GAREM1: variants seen among roughly 807,000 people sequenced by gnomAD.
GAREM1 encodes the protein GRB2 associated regulator of MAPK1 subtype 1, also known as GRB2-associated and regulator of MAPK protein 1.
Under a neutral mutation model 71.3 loss-of-function variants are expected in GAREM1, and 26 were observed. The observed-to-expected ratio is 0.36, with a 90% CI of 0.27 to 0.51. The LOEUF (loss-of-function observed/expected upper bound fraction) is 0.51. Ranked by LOEUF, GAREM1 falls within the 20% of genes least tolerant of loss-of-function variation. GAREM1 has a pLI of 0.95. For missense variants in GAREM1, 1,026 were observed against 1,103.1 expected (o/e 0.93, Z 0.99); for synonymous variants, 440 against 433.2 (o/e 1.02, Z -0.20).
chr18:32,310,851 T>C (rs765217200), intron 2 of GAREM1, among the ~76,000 whole-genome samples: 2 of 152,140 alleles, frequency 1.3e-5, no homozygotes, highest in Non-Finnish European at 2.9e-5. Context: ...TAGAACAATA[T>C]GCAGGTAATG....
At chr18:32,375,403 AG>A (rs1295451607) in intron 2 of GAREM1, among the ~76,000 whole-genome samples, 1 of 152,098 alleles carries the variant, frequency 6.6e-6, no homozygotes, top group Non-Finnish European at 1.5e-5. Context: ...CAGAGCAAAA[AG>A]GTTTCTTCAC....
intron 3 of GAREM1, among the ~76,000 whole-genome samples, chr18:32,306,751 T>C (rs2047259715): frequency 6.6e-6 from 1 of 152,330 alleles, no homozygotes; most frequent in East Asian, 1.9e-4. Flanking sequence ...TTTATGTATT[T>C]CTTGTCTACC....
chr18:32,271,611 T>G (rs1263364659), intron 4 of GAREM1, among the ~76,000 whole-genome samples: 1 of 152,188 alleles, frequency 6.6e-6, no homozygotes, highest in Non-Finnish European at 1.5e-5. Flanking sequence ...TAGGTGATAC[T>G]GATGCTACCT....
At chr18:32,324,670 A>G (rs2047459114) in intron 2 of GAREM1, among the ~76,000 whole-genome samples, 1 of 152,232 alleles carries the variant, frequency 6.6e-6, no homozygotes, top group Non-Finnish European at 1.5e-5. Context: ...GAAAGTTAGC[A>G]AAGACACAAA....
rs759418672 is a variant in GAREM1 at position 32,268,275 on chromosome 18, G to C, written c.2227C>G (p.Pro743Ala). 1.2e-5 allele frequency: 20 copies of C among 1,614,098 alleles called. No individual in the cohort carries two copies. In the South Asian group the frequency reaches 2.2e-4, roughly 18 times the overall value. ...VEEKVASETS[P>A]LPLKIDGAEE... ...GCACCATCAATTTTCAGAGGCAAAGGAGATGTTTCGGAGGCGACCTTCTCT... is the reference window on the plus strand; with the variant it reads ...GCACCATCAATTTTCAGAGGCAAAGCAGATGTTTCGGAGGCGACCTTCTCT... The change falls in exon 6 of 6, where the codon CCT (proline) becomes GCT (alanine). Residue 743 changes from proline (P) to alanine (A), a missense_variant. Pro to Ala is a conservative substitution (Grantham distance 27). This residue lies in a region of GAREM1 where 636 missense variants were observed against 631.2 expected (regional missense o/e 1.01). Transcript: ENST00000269209.
At chr18:32,364,074 G>A (rs1331912464) in intron 2 of GAREM1, among the ~76,000 whole-genome samples, 14 of 108,958 alleles carry the variant, frequency 1.3e-4, no homozygotes, top group African/African-American at 3.7e-4. Context: ...TCACTCTGTC[G>A]CCCAGGCTGG....
intron 3 of GAREM1, among the ~76,000 whole-genome samples, chr18:32,289,855 G>C (rs771090301): frequency 4.6e-5 from 7 of 152,298 alleles, no homozygotes; most frequent in Admixed American, 1.3e-4. Flanking sequence ...TGCTGAGGTT[G>C]AGAAACGCTG....
At chr18:32,379,723 T>C (rs1434164323) in intron 2 of GAREM1, among the ~76,000 whole-genome samples, 3 of 149,024 alleles carry the variant, frequency 2.0e-5, no homozygotes, top group South Asian at 4.3e-4. Context: ...AAAAAAATCG[T>C]TGGGAATGGA....
At chr18:32,328,268 GCATATTTATT>G (rs1313964691) in intron 2 of GAREM1, among the ~76,000 whole-genome samples, 1 of 152,016 alleles carries the variant, frequency 6.6e-6, no homozygotes, top group African/African-American at 2.4e-5. Flanking sequence ...ATTTAGGATG[GCATATTTATT>G]TTGAATATCC....
In GAREM1 at chr18:32,464,087, T is replaced by G. The variant is rs1053360913; in HGVS notation, c.121+6221A>C. ...CAGATGATCATTTGAGGTCAGGAGT[T>G]CAAGACCAACCTGGCCAATATGGTG... On this transcript the variant is annotated intron_variant, in intron 1 of 5. Coordinates refer to ENST00000269209, the MANE Select transcript of GAREM1 (RefSeq NM_001242409.2). Among the ~76,000 whole-genome samples, 7 of 151,052 alleles carry G rather than the reference T, an allele frequency of 4.6e-5. 1 individual carries two copies. The highest frequency in any genetic ancestry group is 8.8e-5 in the Non-Finnish European group (6 of 67,866).
intron 2 of GAREM1, among the ~76,000 whole-genome samples, chr18:32,355,255 T>C (rs1323960291): frequency 6.6e-6 from 1 of 152,132 alleles, no homozygotes; most frequent in Non-Finnish European, 1.5e-5. Flanking sequence ...ATTTTACAAA[T>C]CTACATCTAA....
At chr18:32,399,029 T>C (rs967249878) in intron 1 of GAREM1, among the ~76,000 whole-genome samples, 7 of 152,292 alleles carry the variant, frequency 4.6e-5, no homozygotes, top group Admixed American at 2.0e-4. Flanking sequence ...CGCAAATCAA[T>C]AAATGTAATC....
At chr18:32,364,027 T>TATATATATATATATATATATATA (rs1567980849) in intron 2 of GAREM1, among the ~76,000 whole-genome samples, 1 of 66,574 alleles carries the variant, frequency 1.5e-5, no homozygotes, top group Non-Finnish European at 2.6e-5. Context: ...TATATATATA[T>TATATATATATATATATATATATA]GTTTTTTTTT....
At chr18:32,298,394 AT>A (rs1598940558) in intron 3 of GAREM1, among the ~76,000 whole-genome samples, 1 of 152,014 alleles carries the variant, frequency 6.6e-6, no homozygotes, top group East Asian at 1.9e-4. Flanking sequence ...TATTTGCATA[AT>A]TTTTTTCCTT....
chr18:32,302,384 T>C (rs577641770), intron 3 of GAREM1, among the ~76,000 whole-genome samples: 1 of 152,344 alleles, frequency 6.6e-6, no homozygotes, highest in African/African-American at 2.4e-5. Context: ...ATTTATAGCA[T>C]TTTATCATTT....
chr18:32,345,913 G>A (rs2047691249), intron 2 of GAREM1, among the ~76,000 whole-genome samples: 2 of 152,060 alleles, frequency 1.3e-5, no homozygotes, highest in Admixed American at 6.6e-5. Context: ...TCACACTTTG[G>A]GCTGGTTTTA....
At chr18:32,417,227 G>T (rs748532274) in intron 1 of GAREM1, among the ~76,000 whole-genome samples, 8 of 152,110 alleles carry the variant, frequency 5.3e-5, no homozygotes, top group Non-Finnish European at 1.0e-4. Flanking sequence ...AACAAATGCC[G>T]GCAAGGGCAT....
chr18:32,287,865 C>T lies in GAREM1; in HGVS notation c.732G>A (p.Arg244=), dbSNP rs1207730081. 1 of 1,613,648 alleles carries T rather than the reference C, an allele frequency of 6.2e-7. No homozygotes were observed. The highest frequency in any genetic ancestry group is 8.5e-7 in the Non-Finnish European group (1 of 1,179,946). The change falls in exon 4 of 6, where the codon AGG becomes AGA. Residue 244 remains arginine, a synonymous_variant. Coordinates refer to ENST00000269209, the MANE Select transcript of GAREM1 (RefSeq NM_001242409.2). The surrounding 1 kb of genome is among the most constrained non-coding windows in gnomAD (Gnocchi z 5.9). ...HTIRNIVEKT[R]LPVNVTVPSP... ...TTGGCACAGTCACATTCACAGGAAG[C>T]CTGGTTTTCTCCACAATGTTGCGGA...
At chr18:32,275,694 T>G (rs532061362) in intron 4 of GAREM1, among the ~76,000 whole-genome samples, 2 of 152,318 alleles carry the variant, frequency 1.3e-5, no homozygotes, top group African/African-American at 4.8e-5. Context: ...CTCTTTTTTT[T>G]TGAGACTGAG....
Sources: allele counts gnomAD v4.1 joint callset (sites outside exome capture counted in the v4.1 genomes callset), GRCh38; gene constraint gnomAD v4.1.1; regional missense constraint gnomAD v4.1.1; non-coding constraint Gnocchi (gnomAD v3.1); transcripts MANE v1.5; gene names NCBI Gene and HGNC (gene_info 2026-07-23, HGNC 2026-07-21).